The following MBD5 variants were observed in gnomAD, a reference collection of about 807,000 sequenced individuals.
MBD5 encodes the protein methyl-CpG binding domain protein 5.
Under a neutral mutation model 117.3 loss-of-function variants are expected in MBD5, and 13 were observed. The observed-to-expected ratio is 0.11, with a 90% CI of 0.07 to 0.18. MBD5 has a LOEUF of 0.18. Among genes scored for constraint, MBD5 ranks in the 10% least tolerant of loss-of-function variants. MBD5 has a pLI of 1.00. For missense variants in MBD5, 1,879 were observed against 2,093.8 expected (o/e 0.90, Z 2.00); for synonymous variants, 727 against 766.4 (o/e 0.95, Z 0.85).
intron 1 of MBD5, among the ~76,000 whole-genome samples, chr2:148,147,992 C>CT (rs2105603831): frequency 6.6e-6 from 1 of 152,254 alleles, no homozygotes; most frequent in East Asian, 1.9e-4. Context: ...TTGTAGACCC[C>CT]TATGAACATT....
At chr2:148,399,755 G>GT (rs1704856400) in intron 4 of MBD5, among the ~76,000 whole-genome samples, 1 of 152,070 alleles carries the variant, frequency 6.6e-6, no homozygotes, top group African/African-American at 2.4e-5. Context: ...AATGCTTCCA[G>GT]TTTTTGCCCA....
At chr2:148,082,694 A>AT (rs2105169432) in intron 1 of MBD5, among the ~76,000 whole-genome samples, 1 of 152,270 alleles carries the variant, frequency 6.6e-6, no homozygotes, top group Non-Finnish European at 1.5e-5. Context: ...CAACTCAATT[A>AT]TACCTCCGTG....
At chr2:148,080,848 A>G (rs1307418778) in intron 1 of MBD5, among the ~76,000 whole-genome samples, 1 of 152,186 alleles carries the variant, frequency 6.6e-6, no homozygotes, top group East Asian at 1.9e-4. Flanking sequence ...ATTCTGAGTG[A>G]TTGTATTAAG....
chr2:148,137,290 TGAC>T (rs1328380386), intron 1 of MBD5, among the ~76,000 whole-genome samples: 2 of 152,184 alleles, frequency 1.3e-5, no homozygotes, highest in African/African-American at 2.4e-5. Context: ...TTTTCAATGA[TGAC>T]TGGTTCAAAA....
chr2:148,320,326 T>TTTG (rs958558969), intron 3 of MBD5, among the ~76,000 whole-genome samples: 13 of 151,852 alleles, frequency 8.6e-5, no homozygotes, highest in African/African-American at 2.7e-4. Flanking sequence ...GGAGTTTGGG[T>TTTG]TTGTTGTTGT....
chr2:148,163,171 A>G (rs1283823626), intron 1 of MBD5, among the ~76,000 whole-genome samples: 1 of 152,130 alleles, frequency 6.6e-6, no homozygotes, highest in Non-Finnish European at 1.5e-5. Flanking sequence ...ATTTTTTCTA[A>G]ATGTTTTGGT....
At chr2:148,338,858 A>G (rs535386756) in intron 3 of MBD5, among the ~76,000 whole-genome samples, 17 of 152,272 alleles carry the variant, frequency 1.1e-4, no homozygotes, top group African/African-American at 3.8e-4. Context: ...ACACAAACAT[A>G]TGATGTGAAA....
At chr2:148,417,552 T>G (rs1456118482) in intron 4 of MBD5, among the ~76,000 whole-genome samples, 1 of 152,134 alleles carries the variant, frequency 6.6e-6, no homozygotes, top group Non-Finnish European at 1.5e-5. Flanking sequence ...CCACAGAGTT[T>G]GTACTAATTT....
At chr2:148,076,175 C>T (rs1321150681) in intron 1 of MBD5, among the ~76,000 whole-genome samples, 3 of 105,486 alleles carry the variant, frequency 2.8e-5, no homozygotes, top group Non-Finnish European at 6.0e-5. Context: ...TCAAAGTCGT[C>T]GTTTTTTGTT....
intron 4 of MBD5, among the ~76,000 whole-genome samples, chr2:148,450,551 G>A (rs1164876416): frequency 6.6e-6 from 1 of 152,158 alleles, no homozygotes; most frequent in Non-Finnish European, 1.5e-5. Context: ...TGGACAGCGA[G>A]ACTTCTCTCT....
chr2:148,373,000 T>A (rs1174468989), intron 4 of MBD5, among the ~76,000 whole-genome samples: 3 of 152,112 alleles, frequency 2.0e-5, no homozygotes, highest in Admixed American at 6.6e-5. Context: ...AAGACCTACA[T>A]CTTTTCTTTT....
chr2:148,043,485 A>AAAT (rs1446837847), intron 1 of MBD5, among the ~76,000 whole-genome samples: 4 of 141,706 alleles, frequency 2.8e-5, no homozygotes, highest in Admixed American at 7.1e-5. Flanking sequence ...ATAAATAAAT[A>AAAT]AAAGAATAGA....
At chr2:148,373,302 T>C (rs997476128) in intron 4 of MBD5, among the ~76,000 whole-genome samples, 3 of 152,238 alleles carry the variant, frequency 2.0e-5, no homozygotes, top group Non-Finnish European at 4.4e-5. Flanking sequence ...TTCCATCAAT[T>C]CTGGATGTAA....
At chr2:148,507,727 T>C (rs1574503813) in intron 12 of MBD5, among the ~76,000 whole-genome samples, 1 of 144,568 alleles carries the variant, frequency 6.9e-6, no homozygotes, top group African/African-American at 2.6e-5. Flanking sequence ...GCCACTGCAC[T>C]CCAGCCTGGG....
chr2:148,497,664 A>G (rs758518218), intron 11 of MBD5, among the ~76,000 whole-genome samples: 10 of 151,852 alleles, frequency 6.6e-5, no homozygotes, highest in Non-Finnish European at 1.3e-4. Flanking sequence ...GCACCCCTAT[A>G]ATTCTAGCTA....
intron 1 of MBD5, among the ~76,000 whole-genome samples, chr2:148,116,464 A>C (rs1696644447): frequency 6.6e-6 from 1 of 152,228 alleles, no homozygotes; most frequent in South Asian, 2.1e-4. Context: ...AATTCTAAGT[A>C]ACAAACAATG....
intron 3 of MBD5, among the ~76,000 whole-genome samples, chr2:148,334,122 A>G (rs559409024): frequency 6.6e-6 from 1 of 152,128 alleles, no homozygotes; most frequent in East Asian, 1.9e-4. Flanking sequence ...TCATAGTCTC[A>G]TCTTTATCTC....
At chr2:148,336,507 C>G (rs1005764931) in intron 3 of MBD5, among the ~76,000 whole-genome samples, 2 of 152,256 alleles carry the variant, frequency 1.3e-5, no homozygotes, top group South Asian at 2.1e-4. Flanking sequence ...CCATGTCAGC[C>G]TCCCTTGTAG....
At chr2:148,124,647 T>C (rs1696847407) in intron 1 of MBD5, among the ~76,000 whole-genome samples, 1 of 152,220 alleles carries the variant, frequency 6.6e-6, no homozygotes, top group Non-Finnish European at 1.5e-5. Context: ...CTCTCCTAAG[T>C]TGTTCCTGGA....
Sources: gnomAD v4.1 joint callset for allele counts (sites outside exome capture counted in the v4.1 genomes callset) on GRCh38, gnomAD v4.1.1 for gene constraint, MANE v1.5 for transcripts, NCBI Gene and HGNC (gene_info 2026-07-23, HGNC 2026-07-21) for gene names.